Variants in PPARGC1A observed in about 807,000 individuals in gnomAD.
PPARGC1A encodes peroxisome proliferator-activated receptor gamma coactivator 1-alpha.
Under a neutral mutation model 88.7 loss-of-function variants are expected in PPARGC1A, and 25 were observed. The ratio of observed to expected loss-of-function variants is 0.28; its 90% CI spans 0.21 to 0.39. The LOEUF (loss-of-function observed/expected upper bound fraction) is 0.39. Among genes scored for constraint, PPARGC1A ranks in the 10% least tolerant of loss-of-function variants. PPARGC1A has a pLI of 1.00. For synonymous variants in PPARGC1A, 363 were observed against 355.6 expected (o/e 1.02, Z -0.24); for missense variants, 880 against 968.7 (o/e 0.91, Z 1.22).
chr4:24,110,955 G>T, the PPARGC1A span, among the ~76,000 whole-genome samples: 3 of 152,112 alleles, frequency 2.0e-5, no homozygotes, highest in African/African-American at 7.2e-5. Flanking sequence ...ATTCTGGTAG[G>T]TCATTCTACA....
chr4:24,192,731 G>A, the PPARGC1A span, among the ~76,000 whole-genome samples: 1 of 152,142 alleles, frequency 6.6e-6, no homozygotes, highest in African/African-American at 2.4e-5. Context: ...AAATTTGGGA[G>A]ACATTAAGAG....
the PPARGC1A span, among the ~76,000 whole-genome samples, chr4:24,154,256 TG>T: frequency 6.6e-6 from 1 of 152,218 alleles, no homozygotes; most frequent in Non-Finnish European, 1.5e-5. Flanking sequence ...GTGTCTATTT[TG>T]CTTCTCCACC....
chr4:24,361,572 G>A, the PPARGC1A span, among the ~76,000 whole-genome samples: 86 of 152,156 alleles, frequency 5.7e-4, no homozygotes, highest in Admixed American at 2.7e-3. Flanking sequence ...GGATGTGTAC[G>A]TAACACCCTG....
At chr4:24,266,319 G>A in the PPARGC1A span, among the ~76,000 whole-genome samples, 5 of 152,242 alleles carry the variant, frequency 3.3e-5, no homozygotes, top group African/African-American at 9.6e-5. Flanking sequence ...GCTTCGTGTT[G>A]TAGGAGGAAA....
the PPARGC1A span, among the ~76,000 whole-genome samples, chr4:24,081,856 C>T: frequency 6.6e-6 from 1 of 151,812 alleles, no homozygotes; most frequent in African/African-American, 2.4e-5. Context: ...GGTTTTAATC[C>T]CGGTCTTTTT....
At chr4:24,160,997 G>C in the PPARGC1A span, among the ~76,000 whole-genome samples, 4 of 152,258 alleles carry the variant, frequency 2.6e-5, no homozygotes, top group East Asian at 7.7e-4. Context: ...CTCTTAGAAT[G>C]AAAGTTTTCA....
the PPARGC1A span, among the ~76,000 whole-genome samples, chr4:24,121,519 C>T: frequency 6.6e-6 from 1 of 152,036 alleles, no homozygotes; most frequent in Non-Finnish European, 1.5e-5. Context: ...GCTGATCAAG[C>T]CAGAGACCTC....
chr4:24,446,885 C>T, the PPARGC1A span, among the ~76,000 whole-genome samples: 1 of 152,190 alleles, frequency 6.6e-6, no homozygotes, highest in African/African-American at 2.4e-5. Context: ...CAGGCGTGAG[C>T]CACCACTCCC....
chr4:24,319,040 GA>G, the PPARGC1A span, among the ~76,000 whole-genome samples: 1 of 152,092 alleles, frequency 6.6e-6, no homozygotes, highest in African/African-American at 2.4e-5. Flanking sequence ...AAAGAAACAA[GA>G]AGAGATAAAA....
chr4:24,059,675 C>G, the PPARGC1A span, among the ~76,000 whole-genome samples: 9 of 152,174 alleles, frequency 5.9e-5, no homozygotes, highest in Non-Finnish European at 8.8e-5. Context: ...AAGACAACCC[C>G]CAATGCAGAA....
the PPARGC1A span, among the ~76,000 whole-genome samples, chr4:24,193,248 A>G: frequency 6.6e-6 from 1 of 152,220 alleles, no homozygotes; most frequent in Non-Finnish European, 1.5e-5. Flanking sequence ...TCAACAACAC[A>G]TAGCAGGACG....
intron 2 of PPARGC1A, among the ~76,000 whole-genome samples, chr4:23,845,328 C>T (rs181673837): frequency 2.0e-5 from 3 of 152,208 alleles, no homozygotes; most frequent in East Asian, 1.9e-4. Flanking sequence ...GGCACCATCA[C>T]AGAGGTCAAT....
intron 1 of PPARGC1A, among the ~76,000 whole-genome samples, chr4:23,895,343 A>T (rs1336189984): frequency 2.0e-5 from 3 of 150,618 alleles, no homozygotes; most frequent in Non-Finnish European, 3.0e-5. Context: ...TTTTTTTTTT[A>T]ATACCACCAG....
chr4:24,305,133 G>GTA, the PPARGC1A span, among the ~76,000 whole-genome samples: 38,741 of 142,782 alleles, frequency 0.27, 5,433 homozygotes, highest in South Asian at 0.41. Flanking sequence ...ATATGTGTAT[G>GTA]TATATATATA....
At chr4:24,118,192 C>T in the PPARGC1A span, among the ~76,000 whole-genome samples, 1 of 152,118 alleles carries the variant, frequency 6.6e-6, no homozygotes. Flanking sequence ...GGTCAATGAG[C>T]TACACAGGCA....
At chr4:24,433,444 C>A in the PPARGC1A span, among the ~76,000 whole-genome samples, 1 of 152,094 alleles carries the variant, frequency 6.6e-6, no homozygotes, top group South Asian at 2.1e-4. Context: ...TTTATTCCGG[C>A]CTACAAGTTT....
At chr4:24,374,161 C>A in the PPARGC1A span, among the ~76,000 whole-genome samples, 1 of 152,158 alleles carries the variant, frequency 6.6e-6, no homozygotes, top group Non-Finnish European at 1.5e-5. Context: ...TGGTTAACAC[C>A]CCTGGGAGGG....
chr4:24,201,050 C>T, the PPARGC1A span, among the ~76,000 whole-genome samples: 1 of 152,058 alleles, frequency 6.6e-6, no homozygotes, highest in African/African-American at 2.4e-5. Flanking sequence ...GACAAGACTC[C>T]CTACTTCAAT....
At chr4:24,014,416 A>T in the PPARGC1A span, among the ~76,000 whole-genome samples, 143 of 152,314 alleles carry the variant, frequency 9.4e-4, no homozygotes, top group African/African-American at 3.2e-3. Context: ...CTCTCATTGC[A>T]TCACTAATCA....
Sources: allele counts gnomAD v4.1 joint callset (sites outside exome capture counted in the v4.1 genomes callset), GRCh38; gene constraint gnomAD v4.1.1; transcripts MANE v1.5; gene names NCBI Gene and HGNC (gene_info 2026-07-23, HGNC 2026-07-21).